Variants in AGAP1 observed in about 807,000 individuals in gnomAD.
AGAP1 encodes the protein ArfGAP with GTPase domain, ankyrin repeat and PH domain 1.
Under a neutral mutation model 105.3 loss-of-function variants are expected in AGAP1, and 29 were observed. The observed-to-expected ratio is 0.28, with a 90% CI of 0.21 to 0.38. AGAP1 has a LOEUF of 0.38. Among genes scored for constraint, AGAP1 ranks in the 10% least tolerant of loss-of-function variants. The probability of loss-of-function intolerance (pLI) is 1.00; values close to 1 mark genes in which losing one functional copy is unlikely to be tolerated. For synonymous variants in AGAP1, 509 were observed against 485.9 expected (o/e 1.05, Z -0.63); for missense variants, 998 against 1,165.1 (o/e 0.86, Z 2.09).
chr2:235,655,375 C>G lies in AGAP1; in HGVS notation c.164-53804C>G, dbSNP rs549397846. Among the ~76,000 whole-genome samples the G allele has an allele frequency of 6.6e-6, 1 of 152,226 alleles. No homozygotes were observed. The highest frequency in any genetic ancestry group is 6.5e-5 in the Admixed American group (1 of 15,294). On this transcript the variant is annotated intron_variant, in intron 1 of 17. Coordinates refer to ENST00000304032, the MANE Select transcript of AGAP1 (RefSeq NM_001037131.3). The surrounding 1 kb of genome is among the most constrained non-coding windows in gnomAD (Gnocchi z 4.3). ...GATGGAAAGCTGGAAAGTGATGTGG[C>G]CTGAATTCCTTTCTAGGTAATTTCA...
At chr2:235,638,095 C>T (rs1460191201) in intron 1 of AGAP1, among the ~76,000 whole-genome samples, 1 of 152,148 alleles carries the variant, frequency 6.6e-6, no homozygotes, top group Non-Finnish European at 1.5e-5. Flanking sequence ...GTTCCTTGGC[C>T]CAGTGAAATG....
chr2:235,859,185 C>T (rs528178671), intron 9 of AGAP1, among the ~76,000 whole-genome samples: 5 of 152,090 alleles, frequency 3.3e-5, no homozygotes, highest in African/African-American at 4.8e-5. Context: ...TTCCATTAGC[C>T]GTACTCTGGG....
chr2:236,056,703 C>T lies in AGAP1; in HGVS notation c.2114+7422C>T, dbSNP rs1399366190. On this transcript the variant is annotated intron_variant, in intron 16 of 17. Transcript: ENST00000304032. This position sits in a 1 kb window ranked among gnomAD's most constrained non-coding sequence, Gnocchi z 4.6. ...CTTCTAGTGAACTTTTCTCTTTCTT[C>T]TTCTTAATGAAGAGGAGGGAGACAA... 1.3e-5 allele frequency among the ~76,000 whole-genome samples: 2 copies of T among 152,144 alleles called. No homozygotes were observed. The highest frequency in any genetic ancestry group is 4.8e-5 in the African/African-American group (2 of 41,418).
intron 6 of AGAP1, among the ~76,000 whole-genome samples, chr2:235,771,161 G>A (rs571022235): frequency 2.7e-4 from 41 of 152,328 alleles, no homozygotes; most frequent in Non-Finnish European, 4.3e-4. Flanking sequence ...AAGTGATGGC[G>A]ATTTTGGACT....
At position 235,732,703 on chromosome 2, in the gene AGAP1, C is replaced by T. The variant is rs1229939018; in HGVS notation, c.311-8260C>T. ...TTGGACCTCTCTTCCCAGACATTGT[C>T]TTTCCCTGAGACCGATGCTGACCAC... On this transcript the variant is annotated intron_variant, in intron 3 of 17. Transcript: ENST00000304032. This position sits in a 1 kb window ranked among gnomAD's most constrained non-coding sequence, Gnocchi z 4.8. 6.6e-6 allele frequency among the ~76,000 whole-genome samples: 1 copy of T among 152,172 alleles called. No individual in the cohort carries two copies. Among genetic ancestry groups the T allele is most frequent in the Non-Finnish European group, 1.5e-5 (1 of 68,038 alleles).
At chr2:235,542,443 G>C (rs184388429) in intron 1 of AGAP1, among the ~76,000 whole-genome samples, 1 of 152,310 alleles carries the variant, frequency 6.6e-6, no homozygotes, top group East Asian at 1.9e-4. Context: ...GATCAAAAGA[G>C]CTCATCAACT....
At chr2:235,518,075 G>T (rs151321140) in intron 1 of AGAP1, among the ~76,000 whole-genome samples, 366 of 152,344 alleles carry the variant, frequency 2.4e-3, no homozygotes, top group Non-Finnish European at 4.6e-3. Context: ...CGAAGGTGCA[G>T]CGCAGGGACC....
Position 235,728,643 on chromosome 2 carries a change from C to A in AGAP1, c.310+10999C>A, listed in dbSNP as rs1188825709. Reference sequence around the variant, plus strand: ...CTTGTTGTATGAGGGCAGCCCATGTCGCCAGCATTTATTTTCTGAGCCCCA... The same window carrying A: ...CTTGTTGTATGAGGGCAGCCCATGTAGCCAGCATTTATTTTCTGAGCCCCA... On this transcript the variant is annotated intron_variant, in intron 3 of 17. Transcript: ENST00000304032. This position sits in a 1 kb window ranked among gnomAD's most constrained non-coding sequence, Gnocchi z 4.3. 8.6e-5 allele frequency among the ~76,000 whole-genome samples: 13 copies of A among 152,010 alleles called. No homozygotes were observed. The highest frequency in any genetic ancestry group is 2.7e-4 in the African/African-American group (11 of 41,362).
rs1285670751 is a variant in AGAP1, at chr2:235,993,964, G to C, written c.1645+25341G>C. Among the ~76,000 whole-genome samples the C allele has an allele frequency of 2.6e-5, 4 of 152,018 alleles. No individual in the cohort carries two copies. Among genetic ancestry groups the C allele is most frequent in the Non-Finnish European group, 5.9e-5 (4 of 68,024 alleles). On this transcript the variant is annotated intron_variant, in intron 13 of 17. Transcript: ENST00000304032. The surrounding 1 kb of genome is among the most constrained non-coding windows in gnomAD (Gnocchi z 5.0). ...AACCCAGAACATTCCAGATGTCCTA[G>C]GAACACAGGTCCTAGGTGTTTTTTT...
At position 235,719,701 on chromosome 2, in the gene AGAP1, G is replaced by A. The variant is rs1951287428; in HGVS notation, c.310+2057G>A. Among the ~76,000 whole-genome samples, 1 of 152,198 alleles carries A rather than the reference G, an allele frequency of 6.6e-6. No individual in the cohort carries two copies. The highest frequency in any genetic ancestry group is 1.5e-5 in the Non-Finnish European group (1 of 68,028). On this transcript the variant is annotated intron_variant, in intron 3 of 17. Transcript: ENST00000304032. This position sits in a 1 kb window ranked among gnomAD's most constrained non-coding sequence, Gnocchi z 4.9. ...CCCATGCCCAAGGCTTCCTGGGTCA[G>A]GGGAAAGATCATGATCCCTGACCTT...
intron 9 of AGAP1, among the ~76,000 whole-genome samples, chr2:235,809,218 G>T (rs1958000233): frequency 6.6e-6 from 1 of 152,038 alleles, no homozygotes; most frequent in Admixed American, 6.5e-5. Context: ...TCTGTGGAGG[G>T]GGCTAGCTTT....
At chr2:236,075,566 A>G (rs1051010832) in intron 16 of AGAP1, among the ~76,000 whole-genome samples, 1 of 152,052 alleles carries the variant, frequency 6.6e-6, no homozygotes, top group African/African-American at 2.4e-5. Flanking sequence ...CCAGGTAAAT[A>G]TGGGACCTGC....
Position 235,968,630 on chromosome 2 carries a change from G to A in AGAP1, c.1645+7G>A, listed in dbSNP as rs1204011102. 1.3e-6 allele frequency: 2 copies of A among 1,597,382 alleles called. No homozygotes were observed. The highest frequency in any genetic ancestry group is 2.7e-5 in the African/African-American group (2 of 72,978). ...CTGTCCGGCACTGCTGAAGGTAAGGGTTCCGCGGTGCCCCGGGAGAGAGTC... is the reference window on the plus strand; with the variant it reads ...CTGTCCGGCACTGCTGAAGGTAAGGATTCCGCGGTGCCCCGGGAGAGAGTC... On this transcript the variant is annotated splice_region_variant and intron_variant, in intron 13 of 17. Coordinates refer to ENST00000304032, the MANE Select transcript of AGAP1 (RefSeq NM_001037131.3).
chr2:236,008,709 C>T (rs879407048), intron 13 of AGAP1, among the ~76,000 whole-genome samples: 32 of 152,172 alleles, frequency 2.1e-4, no homozygotes, highest in Admixed American at 1.2e-3. Context: ...TTCCCATGTG[C>T]ACCTACGTTA....
At chr2:236,068,489 C>G (rs78035574) in intron 16 of AGAP1, among the ~76,000 whole-genome samples, 1 of 151,946 alleles carries the variant, frequency 6.6e-6, no homozygotes, top group Non-Finnish European at 1.5e-5. Flanking sequence ...GCTTTTTGAC[C>G]TAGCAGTTCT....
intron 11 of AGAP1, among the ~76,000 whole-genome samples, chr2:235,923,683 C>T (rs2052302707): frequency 6.6e-6 from 1 of 152,146 alleles, no homozygotes; most frequent in African/African-American, 2.4e-5. Context: ...TCAGTAGTTC[C>T]TTGTTGTCAT....
chr2:235,936,116 T>C lies in AGAP1; in HGVS notation c.1483+5193T>C, dbSNP rs1451858442. On this transcript the variant is annotated intron_variant, in intron 12 of 17. Transcript: ENST00000304032. The surrounding 1 kb of genome is among the most constrained non-coding windows in gnomAD (Gnocchi z 4.7). Reference sequence around the variant, plus strand: ...TCCACCCCATCCCCGATTGCTTCAGTCCAACAGTTTATCTTCTGCCACGCT... The same window carrying C: ...TCCACCCCATCCCCGATTGCTTCAGCCCAACAGTTTATCTTCTGCCACGCT... 6.6e-6 allele frequency among the ~76,000 whole-genome samples: 1 copy of C among 152,226 alleles called. No homozygotes were observed. Among genetic ancestry groups the C allele is most frequent in the African/African-American group, 2.4e-5 (1 of 41,466 alleles).
At chr2:235,638,359 A>G (rs1373542084) in intron 1 of AGAP1, among the ~76,000 whole-genome samples, 1 of 152,176 alleles carries the variant, frequency 6.6e-6, no homozygotes, top group African/African-American at 2.4e-5. Flanking sequence ...CTCCAGGCCT[A>G]TGTCTTGGGA....
At position 235,536,468 on chromosome 2, in the gene AGAP1, TACACAC is replaced by T. The variant is rs68065934; in HGVS notation, c.163+41641_163+41646del. On this transcript the variant is annotated intron_variant, in intron 1 of 17. Transcript: ENST00000304032. ...ACCCTGGGGTTTGTTTGTGGCATCC[TACACAC>T]ACACACACACACACACACACAGAGC... Among the ~76,000 whole-genome samples the T allele has an allele frequency of 3.1e-3, 151 of 48,986 alleles. 13 individuals are homozygous for T. The highest frequency in any genetic ancestry group is 0.016 in the African/African-American group (133 of 8,414). The allele number at this position is 48,986 out of a possible 152,430, so 32.1% of individuals were successfully genotyped here. A position where few individuals can be genotyped will look rare whatever the true frequency, so the allele number is the denominator to read the frequency against.
Sources: gnomAD v4.1 joint callset for allele counts (sites outside exome capture counted in the v4.1 genomes callset) on GRCh38, gnomAD v4.1.1 for gene constraint, Gnocchi (gnomAD v3.1) non-coding constraint, MANE v1.5 for transcripts, NCBI Gene and HGNC (gene_info 2026-07-23, HGNC 2026-07-21) for gene names.